PKNOX2: variants seen among roughly 807,000 people sequenced by gnomAD.
PKNOX2 encodes the protein homeobox protein PKNOX2.
Under a neutral mutation model 53.1 loss-of-function variants are expected in PKNOX2, and 14 were observed. The observed-to-expected ratio is 0.26, with a 90% confidence interval of 0.17 to 0.41. The LOEUF is 0.41. Ranked by LOEUF, PKNOX2 falls within the 10% of genes least tolerant of loss-of-function variation. The pLI is 1.00. For synonymous variants in PKNOX2, 257 were observed against 242.8 expected (o/e 1.06, Z -0.54); for missense variants, 496 against 602.8 (o/e 0.82, Z 1.85).
rs531968746 is a variant in PKNOX2 at position 125,170,218 on chromosome 11, C to T, written c.-201+5442C>T. ...CGGCACTTACACAAAACTGTGTGTG[C>T]GCTCGTAGACTCCTTCTGTTCCGGT... On this transcript the variant is annotated intron_variant, in intron 1 of 12. Transcript: ENST00000298282. 3.3e-5 allele frequency among the ~76,000 whole-genome samples: 5 copies of T among 152,256 alleles called. No individual in the cohort carries two copies. The East Asian group carries it at 7.7e-4, about 24-fold the overall frequency.
intron 4 of PKNOX2, among the ~76,000 whole-genome samples, chr11:125,362,584 TG>T (rs1951984386): frequency 6.6e-6 from 1 of 152,172 alleles, no homozygotes; most frequent in Non-Finnish European, 1.5e-5. Flanking sequence ...TTGTCCAGGC[TG>T]GTCTTGAACT....
intron 1 of PKNOX2, among the ~76,000 whole-genome samples, chr11:125,221,636 A>AAC (rs1941162015): frequency 6.6e-6 from 1 of 152,228 alleles, no homozygotes; most frequent in African/African-American, 2.4e-5. Flanking sequence ...CCCTGAGTTT[A>AAC]AGTAGCTTGT....
chr11:125,189,409 ATATATGTGTGTG>A (rs1956664782), intron 1 of PKNOX2, among the ~76,000 whole-genome samples: 1 of 35,424 alleles, frequency 2.8e-5, no homozygotes, highest in Non-Finnish European at 5.8e-5. Flanking sequence ...GTGTGTATAT[ATATATGTGTGTG>A]TGTGTGTGTG....
intron 1 of PKNOX2, among the ~76,000 whole-genome samples, chr11:125,174,531 C>T (rs139699051): frequency 1.1e-4 from 16 of 152,322 alleles, no homozygotes; most frequent in African/African-American, 3.8e-4. Context: ...CTGGGCTGTA[C>T]ATGCGAGGTC....
rs532911585 is a variant in PKNOX2, at chr11:125,209,429, T to A, written c.-200-25616T>A. Among the ~76,000 whole-genome samples, 605 of 151,982 alleles carry A rather than the reference T, an allele frequency of 4.0e-3. 5 individuals are homozygous for A. Among genetic ancestry groups the A allele is most frequent in the Non-Finnish European group, 6.0e-3 (410 of 67,922 alleles). On this transcript the variant is annotated intron_variant, in intron 1 of 12. Coordinates refer to ENST00000298282, the MANE Select transcript of PKNOX2 (RefSeq NM_001382323.2). ...TGCGCGCACACACACTCACAATTGA[T>A]GGGCATCACTATGGGATGGAGGGTC...
intron 10 of PKNOX2, among the ~76,000 whole-genome samples, chr11:125,423,111 T>C (rs771849919): frequency 6.6e-6 from 1 of 152,154 alleles, no homozygotes; most frequent in Admixed American, 6.5e-5. Context: ...TATATACATA[T>C]ATACTCATTT....
At chr11:125,326,224 G>C (rs1949809851) in intron 2 of PKNOX2, among the ~76,000 whole-genome samples, 1 of 152,248 alleles carries the variant, frequency 6.6e-6, no homozygotes, top group South Asian at 2.1e-4. Flanking sequence ...GTCAGTAATA[G>C]GGTGAGGAGG....
chr11:125,376,886 T>C (rs1952876061), intron 5 of PKNOX2, among the ~76,000 whole-genome samples: 1 of 152,142 alleles, frequency 6.6e-6, no homozygotes, highest in African/African-American at 2.4e-5. Context: ...TAAATAAAAA[T>C]AAATTTCTAT....
intron 2 of PKNOX2, among the ~76,000 whole-genome samples, chr11:125,320,898 G>A (rs1457326329): frequency 6.6e-6 from 1 of 152,178 alleles, no homozygotes; most frequent in Non-Finnish European, 1.5e-5. Flanking sequence ...CATGGTCTCC[G>A]TTGCAACCTG....
chr11:125,430,226 G>C lies in PKNOX2; in HGVS notation c.1192+85G>C, dbSNP rs557322887. The C allele has an allele frequency of 1.8e-5, 27 of 1,476,174 alleles. No individual in the cohort carries two copies. The East Asian group carries it at 5.9e-4, about 32-fold the overall frequency. The allele number at this position is 1,476,174 out of a possible 1,614,324, so 91.4% of individuals were successfully genotyped here. A position where few individuals can be genotyped will look rare whatever the true frequency, so the allele number is the denominator to read the frequency against. On this transcript the variant is annotated intron_variant, in intron 12 of 12. Coordinates refer to ENST00000298282, the MANE Select transcript of PKNOX2 (RefSeq NM_001382323.2). ...CAGGTCAAGCCGTGCAAAGATTCAA[G>C]GGCTATCTCCTTACCTGGGCTCCCA...
At chr11:125,243,607 G>A (rs10893354) in intron 2 of PKNOX2, among the ~76,000 whole-genome samples, 40,258 of 151,066 alleles carry the variant, frequency 0.27, 5,882 homozygotes, top group Non-Finnish European at 0.33. Context: ...GTCTATCACA[G>A]TATACCTGGG....
At chr11:125,182,246 G>A (rs1001826879) in intron 1 of PKNOX2, among the ~76,000 whole-genome samples, 15 of 152,282 alleles carry the variant, frequency 9.9e-5, no homozygotes, top group Non-Finnish European at 1.9e-4. Context: ...ACCTGGGCAG[G>A]CAGTTGGTTG....
At chr11:125,255,395 T>C (rs1944335504) in intron 2 of PKNOX2, among the ~76,000 whole-genome samples, 1 of 152,164 alleles carries the variant, frequency 6.6e-6, no homozygotes, top group South Asian at 2.1e-4. Flanking sequence ...ACCCCCGGGA[T>C]GAGACTGACA....
At chr11:125,217,881 A>G (rs1940700317) in intron 1 of PKNOX2, among the ~76,000 whole-genome samples, 1 of 152,172 alleles carries the variant, frequency 6.6e-6, no homozygotes, top group Non-Finnish European at 1.5e-5. Flanking sequence ...GAGGTTAAGT[A>G]ATTTGTCTGA....
intron 4 of PKNOX2, among the ~76,000 whole-genome samples, chr11:125,356,672 G>A (rs1197843064): frequency 6.6e-6 from 1 of 152,228 alleles, no homozygotes; most frequent in Non-Finnish European, 1.5e-5. Context: ...CACTGAGGAA[G>A]CCAGACCTGT....
chr11:125,418,528 G>A (rs1335347229), intron 10 of PKNOX2, among the ~76,000 whole-genome samples: 1 of 151,992 alleles, frequency 6.6e-6, no homozygotes, highest in African/African-American at 2.4e-5. Context: ...GAGGCAGAGC[G>A]GCTGTACCCC....
chr11:125,416,069 C>T (rs1456414557), intron 10 of PKNOX2, among the ~76,000 whole-genome samples: 4 of 151,816 alleles, frequency 2.6e-5, no homozygotes, highest in South Asian at 2.1e-4. Context: ...TTTGGGAGGC[C>T]GAGGCGGGCG....
intron 7 of PKNOX2, among the ~76,000 whole-genome samples, chr11:125,399,424 T>A (rs1954603709): frequency 6.6e-6 from 1 of 152,208 alleles, no homozygotes; most frequent in Non-Finnish European, 1.5e-5. Flanking sequence ...GTTTCTATTA[T>A]TGTGGGTTAC....
chr11:125,245,921 T>C (rs1310848849), intron 2 of PKNOX2, among the ~76,000 whole-genome samples: 1 of 152,112 alleles, frequency 6.6e-6, no homozygotes, highest in Non-Finnish European at 1.5e-5. Context: ...GTTTTGTTTT[T>C]AAGGGTGAGT....
Sources: allele counts gnomAD v4.1 joint callset (sites outside exome capture counted in the v4.1 genomes callset), GRCh38; gene constraint gnomAD v4.1.1; transcripts MANE v1.5; gene names NCBI Gene and HGNC (gene_info 2026-07-23, HGNC 2026-07-21).